The following TICRR variants were observed in gnomAD, a reference collection of about 807,000 sequenced individuals.
TICRR encodes the protein treslin.
Under a neutral mutation model 178.1 loss-of-function variants are expected in TICRR, and 132 were observed. The observed-to-expected ratio is 0.74, with a 90% confidence interval of 0.64 to 0.86. The LOEUF is 0.86. Ranked by LOEUF, TICRR falls within the 40% of genes least tolerant of loss-of-function variation. The probability of loss-of-function intolerance (pLI) is 0.00; values close to 1 mark genes in which losing one functional copy is unlikely to be tolerated. For synonymous variants in TICRR, 991 were observed against 900.7 expected (o/e 1.10, Z -1.79); for missense variants, 2,587 against 2,334.3 (o/e 1.11, Z -2.23).
intron 21 of TICRR, among the ~76,000 whole-genome samples, chr15:89,626,750 T>G (rs1474978105): frequency 3.9e-5 from 6 of 152,338 alleles, no homozygotes; most frequent in East Asian, 3.9e-4. Flanking sequence ...CAGAGCTGCT[T>G]CTTGCTGCCA....
At position 89,627,342 on chromosome 15, in the gene TICRR, A is replaced by G; in HGVS notation, c.*256A>G. Reference sequence around the variant, plus strand: ...AACTCAGGCAGCCTGGGAGTCAGGAACCCAGACAAGGAATCCCATTCCAGC... The same window carrying G: ...AACTCAGGCAGCCTGGGAGTCAGGAGCCCAGACAAGGAATCCCATTCCAGC... On this transcript the variant is annotated 3_prime_UTR_variant, in exon 22 of 22. Transcript: ENST00000268138. 2.3e-6 allele frequency: 1 copy of G among 434,220 alleles called. No individual in the cohort carries two copies. The highest frequency in any genetic ancestry group is 4.7e-5 in the South Asian group (1 of 21,430). The allele number at this position is 434,220 out of a possible 1,614,324, so 26.9% of individuals were successfully genotyped here.
rs561098478 is a variant in TICRR at position 89,612,750 on chromosome 15, C to A, written c.2870-3655C>A. Among the ~76,000 whole-genome samples, 60 of 152,326 alleles carry A rather than the reference C, an allele frequency of 3.9e-4. 1 individual carries two copies. Among genetic ancestry groups the A allele is most frequent in the African/African-American group, 1.2e-3 (49 of 41,574 alleles). On this transcript the variant is annotated intron_variant, in intron 15 of 21. Coordinates refer to ENST00000268138, the MANE Select transcript of TICRR (RefSeq NM_152259.4). ...TTCTCCATCATGTTGCATAACCTCACTCCCCTTGGAGATTACAATTAAGAT... is the reference window on the plus strand; with the variant it reads ...TTCTCCATCATGTTGCATAACCTCAATCCCCTTGGAGATTACAATTAAGAT...
Position 89,624,692 on chromosome 15 carries a change from CAG to C in TICRR, c.4385_4386del (p.Glu1462AlafsTer7). ...TCTCCTCTGCTCATTACAAGTGACACAGAGCATGTCACTCTCCTCAGTGAAGC... is the reference window on the plus strand; with the variant it reads ...TCTCCTCTGCTCATTACAAGTGACACAGCATGTCACTCTCCTCAGTGAAGC... On this transcript the variant is annotated frameshift_variant, in exon 20 of 22. Transcript: ENST00000268138. LOFTEE classifies it high-confidence loss of function. 1 of 1,614,140 alleles carries C rather than the reference CAG, an allele frequency of 6.2e-7. No homozygotes were observed.
chr15:89,599,417 G>A lies in TICRR; in HGVS notation c.1994G>A (p.Arg665Gln), dbSNP rs200412601. The change falls in exon 8 of 22, where the codon CGA becomes CAA. Residue 665 changes from arginine (R) to glutamine (Q), a missense_variant. Physicochemically the swap from Arg to Gln is conservative, Grantham distance 43. Coordinates refer to ENST00000268138, the MANE Select transcript of TICRR (RefSeq NM_152259.4). ...GAAATCATGTTGTATGCATGTGCTCGAAACATGATCTCAACCGTTAAAATG... is the reference window on the plus strand; with the variant it reads ...GAAATCATGTTGTATGCATGTGCTCAAAACATGATCTCAACCGTTAAAATG... ...TGEIMLYACA[R>Q]NMISTVKMFL... 119 of 1,613,474 alleles carry A rather than the reference G, an allele frequency of 7.4e-5. No homozygotes were observed. Among genetic ancestry groups the A allele is most frequent in the Non-Finnish European group, 9.0e-5 (106 of 1,179,860 alleles).
chr15:89,597,399 C>G (rs1963015501), intron 7 of TICRR, among the ~76,000 whole-genome samples: 1 of 152,002 alleles, frequency 6.6e-6, no homozygotes, highest in Non-Finnish European at 1.5e-5. Context: ...TGGCAGGCGC[C>G]TGTAGTCCCA....
At chr15:89,601,461 T>C (rs1963094947) in intron 10 of TICRR, 28 bp from the exon 11 acceptor site, 8 of 1,613,256 alleles carry the variant, frequency 5.0e-6, no homozygotes, top group African/African-American at 1.3e-5. Flanking sequence ...AGGGCATCTA[T>C]ATAGTAACGT....
At chr15:89,576,303 G>A (rs1962613700) in intron 1 of TICRR, 63 bp downstream of exon 1, 1 of 1,444,032 alleles carries the variant, frequency 6.9e-7, no homozygotes, top group Non-Finnish European at 9.1e-7. Flanking sequence ...ACCAGAACTT[G>A]GCAGCGTCCT....
chr15:89,575,624 C>T lies in TICRR; in HGVS notation c.38C>T (p.Thr13Ile), dbSNP rs1962595667. 6.5e-7 allele frequency: 1 copy of T among 1,539,836 alleles called. No individual in the cohort carries two copies. The highest frequency in any genetic ancestry group is 2.4e-5 in the East Asian group (1 of 41,190). Residue 13 changes from threonine (T) to isoleucine (I), a missense_variant, in exon 1 of 22, where the codon ACC (threonine) becomes ATC (isoleucine). By Grantham distance (89) the Thr-to-Ile change is moderately conservative. Coordinates refer to ENST00000268138, the MANE Select transcript of TICRR (RefSeq NM_152259.4). ...CCHKVMLLLDTAGGAARHSRV... is the reference protein window; with the variant it reads ...CCHKVMLLLDIAGGAARHSRV... Reference sequence around the variant, plus strand: ...CACAAAGTAATGCTGCTGCTGGACACCGCGGGCGGCGCCGCCCGCCACAGC... The same window carrying T: ...CACAAAGTAATGCTGCTGCTGGACATCGCGGGCGGCGCCGCCCGCCACAGC...
Position 89,575,618 on chromosome 15 carries a change from T to C in TICRR, c.32T>C (p.Leu11Pro). Residue 11 changes from leucine (L) to proline (P), a missense_variant, in exon 1 of 22, where the codon CTG becomes CCG. Coordinates refer to ENST00000268138, the MANE Select transcript of TICRR (RefSeq NM_152259.4). MACCHKVMLL[L>P]DTAGGAARHS... ...TGCTGTCACAAAGTAATGCTGCTGCTGGACACCGCGGGCGGCGCCGCCCGC... is the reference window on the plus strand; with the variant it reads ...TGCTGTCACAAAGTAATGCTGCTGCCGGACACCGCGGGCGGCGCCGCCCGC... 6.5e-7 allele frequency: 1 copy of C among 1,534,392 alleles called. No individual in the cohort carries two copies.
intron 2 of TICRR, among the ~76,000 whole-genome samples, chr15:89,583,658 G>A (rs1215615472): frequency 6.6e-6 from 1 of 152,048 alleles, no homozygotes. Flanking sequence ...CTTATAAGTA[G>A]TAAACATTGC....
At chr15:89,595,131 T>C (rs913268072) in intron 6 of TICRR, among the ~76,000 whole-genome samples, 1 of 152,206 alleles carries the variant, frequency 6.6e-6, no homozygotes, top group East Asian at 1.9e-4. Context: ...GCATTTGCCT[T>C]ATGGGAAAAC....
rs1224209127 is a variant in TICRR at position 89,627,932 on chromosome 15, C to T, written c.*846C>T. 6.5e-6 allele frequency: 1 copy of T among 154,228 alleles called. No individual in the cohort carries two copies. The highest frequency in any genetic ancestry group is 1.4e-5 in the Non-Finnish European group (1 of 69,484). The allele number at this position is 154,228 out of a possible 1,614,324, so 9.6% of individuals were successfully genotyped here. A position where few individuals can be genotyped will look rare whatever the true frequency, so the allele number is the denominator to read the frequency against. ...TGTTGTGTTCCCAAATCTGATTCCT[C>T]CTATTGTCTTGTAAATCAAACTCTA... On this transcript the variant is annotated 3_prime_UTR_variant, in exon 22 of 22. Coordinates refer to ENST00000268138, the MANE Select transcript of TICRR (RefSeq NM_152259.4).
chr15:89,600,087 C>T (rs527262094), intron 8 of TICRR, among the ~76,000 whole-genome samples: 188 of 152,262 alleles, frequency 1.2e-3, no homozygotes, highest in African/African-American at 4.3e-3. Context: ...GCCTGGGCAA[C>T]GGAGCGAGAC....
In TICRR at chr15:89,624,006, G is replaced by T. The variant is rs769202857; in HGVS notation, c.3696G>T (p.Ser1232=). The part of the protein sequence containing the change: ...SPSCPAPPTS[S]TAQPRRECLT... ...CCTGTCCAGCCCCTCCAACTTCATC[G>T]ACTGCCCAGCCCAGGAGAGAGTGTC... Residue 1232 remains serine, a synonymous_variant, in exon 20 of 22, where the codon TCG becomes TCT. Coordinates refer to ENST00000268138, the MANE Select transcript of TICRR (RefSeq NM_152259.4). 6.2e-7 allele frequency: 1 copy of T among 1,613,588 alleles called. No homozygotes were observed. Among genetic ancestry groups the T allele is most frequent in the Non-Finnish European group, 8.5e-7 (1 of 1,179,936 alleles).
intron 4 of TICRR, chr15:89,591,845 G>A (rs1962918157): frequency 2.3e-6 from 1 of 426,252 alleles, no homozygotes; most frequent in Non-Finnish European, 4.2e-6. Context: ...TTTAAATTGT[G>A]TCTGTATGTT....
rs992327159 is a variant in TICRR, at chr15:89,608,704, C to A, written c.2723-99C>A. On this transcript the variant is annotated intron_variant, in intron 14 of 21. Transcript: ENST00000268138. ...TGACAATAGCAATCTGTAGTTTCCT[C>A]AAGGAGCTTCTCTGTTTTGGTTATC... The A allele has an allele frequency of 1.3e-5, 14 of 1,067,842 alleles. No homozygotes were observed. The African/African-American group carries it at 2.0e-4, about 15-fold the overall frequency. 66.1% of individuals were successfully genotyped at this position (1,067,842 alleles called of 1,614,324 possible).
rs367995714 is a variant in TICRR, at chr15:89,609,636, G to A, written c.2869+687G>A. Reference sequence around the variant, plus strand: ...ATTATAGGTGTGCACCACCACACCCGGCTAATTTTTGTATTTTTAGTAGAG... The same window carrying A: ...ATTATAGGTGTGCACCACCACACCCAGCTAATTTTTGTATTTTTAGTAGAG... On this transcript the variant is annotated intron_variant, in intron 15 of 21. Transcript: ENST00000268138. 4.8e-4 allele frequency among the ~76,000 whole-genome samples: 73 copies of A among 151,828 alleles called. 1 individual carries two copies. The South Asian group carries it at 0.014, about 30-fold the overall frequency.
Position 89,619,725 on chromosome 15 carries a change from A to T in TICRR, c.3037A>T (p.Ser1013Cys). The change falls in exon 18 of 22, where the codon AGT (serine) becomes TGT (cysteine). Residue 1013 changes from serine to cysteine, a missense_variant. Coordinates refer to ENST00000268138, the MANE Select transcript of TICRR (RefSeq NM_152259.4). ...TTTTACAGAAATAAGTCTGAGACGAAGTCCTCGAATCAAGCAGTTGTCATT... is the reference window on the plus strand; with the variant it reads ...TTTTACAGAAATAAGTCTGAGACGATGTCCTCGAATCAAGCAGTTGTCATT... Reference protein sequence around the residue: ...EKGDEISLRRSPRIKQLSFSR... With the variant: ...EKGDEISLRRCPRIKQLSFSR... 2 of 1,611,210 alleles carry T rather than the reference A, an allele frequency of 1.2e-6. No individual in the cohort carries two copies. Among genetic ancestry groups the T allele is most frequent in the Non-Finnish European group, 1.7e-6 (2 of 1,179,312 alleles).
Position 89,615,548 on chromosome 15 carries a change from G to T in TICRR, c.2870-857G>T, listed in dbSNP as rs1963321907. On this transcript the variant is annotated intron_variant, in intron 15 of 21. Transcript: ENST00000268138. The stretch of plus-strand genomic sequence containing the variant: ...AATTAATGTTCAGAGTTCTGGAAAA[G>T]ATTTTTGACCATTTTTCCCAGTGAT... Among the ~76,000 whole-genome samples the T allele has an allele frequency of 3.3e-5, 5 of 152,188 alleles. No individual in the cohort carries two copies. In the South Asian group the frequency reaches 1.0e-3, roughly 31 times the overall value.
Sources: gnomAD v4.1 joint callset for allele counts (sites outside exome capture counted in the v4.1 genomes callset) on GRCh38, gnomAD v4.1.1 for gene constraint, MANE v1.5 for transcripts, NCBI Gene and HGNC (gene_info 2026-07-23, HGNC 2026-07-21) for gene names.